GNA12: variants seen among roughly 807,000 people sequenced by gnomAD.
The protein encoded by GNA12 is guanine nucleotide-binding protein subunit alpha-12.
GNA12 carries 9 observed loss-of-function variants against 26.0 expected under a neutral mutation model. The observed-to-expected ratio is 0.35, with a 90% CI of 0.21 to 0.60. The LOEUF is 0.60. Among genes scored for constraint, GNA12 ranks in the 20% least tolerant of loss-of-function variants. The pLI, the probability that GNA12 is intolerant of heterozygous loss-of-function variation, is 0.78. For missense variants in GNA12, 405 were observed against 525.8 expected (o/e 0.77, Z 2.25); for synonymous variants, 264 against 219.6 (o/e 1.20, Z -1.79).
chr7:2,797,121 AG>A (rs1380595378), intron 1 of GNA12, among the ~76,000 whole-genome samples: 41 of 152,188 alleles, frequency 2.7e-4, no homozygotes, highest in Admixed American at 9.2e-4. Flanking sequence ...AGAGAAAACC[AG>A]GGTCACCTGC....
At chr7:2,817,028 C>A (rs1793233394) in intron 1 of GNA12, among the ~76,000 whole-genome samples, 2 of 152,322 alleles carry the variant, frequency 1.3e-5, no homozygotes, top group South Asian at 4.1e-4. Flanking sequence ...CAAACAATGA[C>A]CCTTTTAAAA....
chr7:2,803,874 A>G (rs1409460053), intron 1 of GNA12, among the ~76,000 whole-genome samples: 1 of 152,232 alleles, frequency 6.6e-6, no homozygotes, highest in African/African-American at 2.4e-5. Flanking sequence ...TGAACTGGAA[A>G]GTGAAAATCC....
intron 1 of GNA12, among the ~76,000 whole-genome samples, chr7:2,833,598 G>T (rs1051439808): frequency 2.0e-5 from 3 of 152,174 alleles, no homozygotes; most frequent in Non-Finnish European, 2.9e-5. Context: ...AGTCTCTCTG[G>T]ACTTAGTTAG....
At chr7:2,828,226 G>A (rs539967672) in intron 1 of GNA12, among the ~76,000 whole-genome samples, 1 of 152,270 alleles carries the variant, frequency 6.6e-6, no homozygotes, top group South Asian at 2.1e-4. Flanking sequence ...AACTGCAGAG[G>A]AATACAGGGA....
intron 1 of GNA12, among the ~76,000 whole-genome samples, chr7:2,803,319 T>G (rs767848573): frequency 6.6e-6 from 1 of 151,960 alleles, no homozygotes; most frequent in Non-Finnish European, 1.5e-5. Context: ...GAAGTCTGTG[T>G]GAGAAAGGGG....
chr7:2,776,703 C>T (rs1051266678), intron 2 of GNA12, among the ~76,000 whole-genome samples: 2 of 152,218 alleles, frequency 1.3e-5, no homozygotes, highest in African/African-American at 4.8e-5. Flanking sequence ...CCTGCTCCCA[C>T]TTGGTGCAGT....
intron 1 of GNA12, among the ~76,000 whole-genome samples, chr7:2,800,659 C>T (rs938153853): frequency 1.3e-5 from 2 of 152,222 alleles, no homozygotes; most frequent in East Asian, 1.9e-4. Flanking sequence ...TAGCAGAGGC[C>T]GAAGGCAAAG....
At chr7:2,788,252 T>TC (rs1792416123) in intron 2 of GNA12, among the ~76,000 whole-genome samples, 1 of 152,100 alleles carries the variant, frequency 6.6e-6, no homozygotes, top group African/African-American at 2.4e-5. Flanking sequence ...CCCAGGCTGC[T>TC]CAACAGCTCC....
chr7:2,835,957 G>C, intron 1 of GNA12: 1 of 502,566 alleles, frequency 2.0e-6, no homozygotes. Flanking sequence ...GTGGGTGTGA[G>C]CAGATTTGAA....
At chr7:2,745,760 G>A (rs1790734972) in intron 2 of GNA12, among the ~76,000 whole-genome samples, 1 of 152,178 alleles carries the variant, frequency 6.6e-6, no homozygotes. Context: ...TCAGTGTGCT[G>A]TATTCAGGAA....
Position 2,730,021 on chromosome 7 carries a change from G to A in GNA12, c.*1160C>T, listed in dbSNP as rs1489098778. 1 of 152,396 alleles carries A rather than the reference G, an allele frequency of 6.6e-6. No homozygotes were observed. Among genetic ancestry groups the A allele is most frequent in the Non-Finnish European group, 1.5e-5 (1 of 68,092 alleles). 9.4% of individuals were successfully genotyped at this position (152,396 alleles called of 1,614,324 possible). On this transcript the variant is annotated 3_prime_UTR_variant, in exon 4 of 4. Transcript: ENST00000275364. Reference sequence around the variant, plus strand: ...AAGCGAGGGGCCTCGATGAGAATCAGACTTAGGGAGAGCGGCGAACAGGCA... The same window carrying A: ...AAGCGAGGGGCCTCGATGAGAATCAAACTTAGGGAGAGCGGCGAACAGGCA...
chr7:2,827,269 TCTC>T (rs1793507367), intron 1 of GNA12, among the ~76,000 whole-genome samples: 1 of 152,144 alleles, frequency 6.6e-6, no homozygotes, highest in South Asian at 2.1e-4. Context: ...CGTGTCCAGA[TCTC>T]CTTTTGGAGT....
At chr7:2,827,572 G>A (rs1188515394) in intron 1 of GNA12, among the ~76,000 whole-genome samples, 1 of 152,144 alleles carries the variant, frequency 6.6e-6, no homozygotes, top group Non-Finnish European at 1.5e-5. Context: ...AGTGGCTTCT[G>A]CATAACCACG....
chr7:2,731,622 G>A lies in GNA12; in HGVS notation c.705C>T (p.Arg235=). 1 of 1,613,922 alleles carries A rather than the reference G, an allele frequency of 6.2e-7. No homozygotes were observed. Among genetic ancestry groups the A allele is most frequent in the Non-Finnish European group, 8.5e-7 (1 of 1,179,964 alleles). ...MVDVGGQRSQ[R]QKWFQCFDGI... ...CGTCGAAGCACTGGAACCACTTCTGGCGCTGGGACCGCTGGCCGCCCACAT... is the reference window on the plus strand; with the variant it reads ...CGTCGAAGCACTGGAACCACTTCTGACGCTGGGACCGCTGGCCGCCCACAT... Residue 235 remains arginine (R), a synonymous_variant, in exon 4 of 4, where the codon CGC becomes CGT. Coordinates refer to ENST00000275364, the MANE Select transcript of GNA12 (RefSeq NM_007353.3). The surrounding 1 kb of genome is among the most constrained non-coding windows in gnomAD (Gnocchi z 6.0).
At chr7:2,820,737 T>C (rs1455978943) in intron 1 of GNA12, among the ~76,000 whole-genome samples, 3 of 152,114 alleles carry the variant, frequency 2.0e-5, no homozygotes, top group African/African-American at 7.2e-5. Context: ...AACTGTGTCT[T>C]TTAAAACTTT....
chr7:2,813,342 T>C (rs1423467701), intron 1 of GNA12, among the ~76,000 whole-genome samples: 1 of 152,222 alleles, frequency 6.6e-6, no homozygotes, highest in Non-Finnish European at 1.5e-5. Flanking sequence ...TTTTAAAAAA[T>C]AGATGACTCC....
chr7:2,814,731 A>G lies in GNA12; in HGVS notation c.310-19588T>C, dbSNP rs1793173979. The G allele has an allele frequency of 7.0e-6, 5 of 711,462 alleles. No homozygotes were observed. In the South Asian group the frequency reaches 9.0e-5, roughly 13 times the overall value. 44.1% of individuals were successfully genotyped at this position (711,462 alleles called of 1,614,324 possible). A position where few individuals can be genotyped will look rare whatever the true frequency, so the allele number is the denominator to read the frequency against. The stretch of plus-strand genomic sequence containing the variant: ...GTCCAGATGTGAACTCCTTGCATAT[A>G]ACGGCCTTCCACAGAAGTTTATCAG... On this transcript the variant is annotated intron_variant, in intron 1 of 3. Transcript: ENST00000275364.
At chr7:2,814,242 GCTT>G in intron 1 of GNA12, 1 of 828,458 alleles carries the variant, frequency 1.2e-6, no homozygotes, top group Non-Finnish European at 2.1e-6. Context: ...TGTTGGCTGT[GCTT>G]CTTTGGAGAA....
rs979275083 is a variant in GNA12 at position 2,833,222 on chromosome 7, C to T, written c.309+10631G>A. Reference sequence around the variant, plus strand: ...GCCGGCCTGTCATCATGGGATGGCACTGCCCTTCAGGTGATGCAAGTTAAG... The same window carrying T: ...GCCGGCCTGTCATCATGGGATGGCATTGCCCTTCAGGTGATGCAAGTTAAG... On this transcript the variant is annotated intron_variant, in intron 1 of 3. Coordinates refer to ENST00000275364, the MANE Select transcript of GNA12 (RefSeq NM_007353.3). Among the ~76,000 whole-genome samples the T allele has an allele frequency of 2.6e-5, 4 of 152,206 alleles. No homozygotes were observed. The South Asian group carries it at 6.2e-4, about 24-fold the overall frequency.
Sources: gnomAD v4.1 joint callset for allele counts (sites outside exome capture counted in the v4.1 genomes callset) on GRCh38, gnomAD v4.1.1 for gene constraint, Gnocchi (gnomAD v3.1) non-coding constraint, MANE v1.5 for transcripts, NCBI Gene and HGNC (gene_info 2026-07-23, HGNC 2026-07-21) for gene names.